PKIB: variants seen among roughly 807,000 people sequenced by gnomAD.
PKIB encodes PKI-beta.
In PKIB, 2 loss-of-function variants were observed where a neutral mutation model predicts 4.5. The observed-to-expected ratio is 0.44, with a 90% CI of 0.18 to 1.39. PKIB has a LOEUF of 1.39. Ranked by LOEUF, PKIB falls within the 40% of genes most tolerant of loss-of-function variation. The pLI is 0.27. For missense variants in PKIB, 94 were observed against 92.6 expected, an observed-to-expected ratio of 1.02 and a Z score of -0.06; for synonymous variants, 38 against 36.0, an observed-to-expected ratio of 1.06 and a Z score of -0.20.
chr6:122,675,003 C>G (rs1777615371), intron 2 of PKIB, 75 bp from the exon 3 acceptor site: 1 of 151,232 alleles, frequency 6.6e-6, no homozygotes, highest in South Asian at 2.1e-4. Flanking sequence ...TTTAAAAAGC[C>G]AAAAGTAATT....
At chr6:122,653,906 G>A (rs1354926233) in intron 2 of PKIB, among the ~76,000 whole-genome samples, 4 of 152,080 alleles carry the variant, frequency 2.6e-5, no homozygotes, top group Admixed American at 6.5e-5. Flanking sequence ...TGCAGTTAGC[G>A]GAGATCGCGC....
At chr6:122,520,661 T>TTCCTCCCCTC (rs1562237597) in intron 2 of PKIB, among the ~76,000 whole-genome samples, 1 of 55,548 alleles carries the variant, frequency 1.8e-5, no homozygotes, top group Non-Finnish European at 3.8e-5. Flanking sequence ...AAGTTTATGT[T>TTCCTCCCCTC]CCCACCCCCC....
intron 2 of PKIB, among the ~76,000 whole-genome samples, chr6:122,668,989 A>G (rs1021507934): frequency 5.9e-5 from 9 of 152,176 alleles, no homozygotes; most frequent in Admixed American, 5.2e-4. Context: ...CTAAGGTGGG[A>G]GGATTGCTTA....
intron 2 of PKIB, among the ~76,000 whole-genome samples, chr6:122,562,007 T>G (rs989850027): frequency 6.9e-6 from 1 of 144,082 alleles, no homozygotes; most frequent in Non-Finnish European, 1.5e-5. Context: ...TTTTTTTGTT[T>G]TTTTTTTTTT....
intron 2 of PKIB, among the ~76,000 whole-genome samples, chr6:122,636,739 A>G (rs1024253576): frequency 8.5e-5 from 13 of 152,152 alleles, no homozygotes; most frequent in African/African-American, 3.1e-4. Context: ...GGAAGTATGG[A>G]CAGTCTGGAA....
chr6:122,695,741 A>G (rs1778544765), intron 3 of PKIB, among the ~76,000 whole-genome samples: 1 of 152,086 alleles, frequency 6.6e-6, no homozygotes, highest in Non-Finnish European at 1.5e-5. Flanking sequence ...TTTAAAATCC[A>G]TGTTTTGGAA....
chr6:122,684,972 A>G (rs1346626036), intron 3 of PKIB, among the ~76,000 whole-genome samples: 1 of 152,202 alleles, frequency 6.6e-6, no homozygotes, highest in African/African-American at 2.4e-5. Context: ...CTTAAAAATT[A>G]GTCTATTGAA....
chr6:122,680,126 A>G (rs1385677613), intron 3 of PKIB, among the ~76,000 whole-genome samples: 1 of 152,226 alleles, frequency 6.6e-6, no homozygotes, highest in Non-Finnish European at 1.5e-5. Context: ...CTGAAAAATC[A>G]ATTCACAAAG....
intron 2 of PKIB, among the ~76,000 whole-genome samples, chr6:122,561,988 G>GTTTGTGTTTTTT (rs1554220234): frequency 9.9e-4 from 24 of 24,258 alleles, no homozygotes; most frequent in East Asian, 1.7e-3. Context: ...TTTTTTGTTT[G>GTTTGTGTTTTTT]TTTTTGTTTT....
chr6:122,699,104 G>A (rs1778692544), intron 3 of PKIB, among the ~76,000 whole-genome samples: 1 of 152,116 alleles, frequency 6.6e-6, no homozygotes, highest in Admixed American at 6.5e-5. Flanking sequence ...TGCCTGCAAA[G>A]ACTGTGTGCA....
Position 122,718,114 on chromosome 6 carries a change from A to G in PKIB, c.169+151A>G, listed in dbSNP as rs1373702962. The stretch of plus-strand genomic sequence containing the variant: ...TCAGCTTTTGTTTAAGGCTTAGTAG[A>G]TGTTCAGCCTTTTCCAAAGTAGAAT... On this transcript the variant is annotated intron_variant, in intron 4 of 4. Coordinates refer to ENST00000368452, the MANE Select transcript of PKIB (RefSeq NM_181795.3). 8.0e-6 allele frequency: 6 copies of G among 749,644 alleles called. No individual in the cohort carries two copies. The East Asian group carries it at 1.6e-4, about 20-fold the overall frequency. 46.4% of individuals were successfully genotyped at this position (749,644 alleles called of 1,614,324 possible). A position where few individuals can be genotyped will look rare whatever the true frequency, so the allele number is the denominator to read the frequency against.
chr6:122,697,940 G>A (rs952349586), intron 3 of PKIB, among the ~76,000 whole-genome samples: 13 of 152,112 alleles, frequency 8.5e-5, no homozygotes, highest in African/African-American at 2.9e-4. Flanking sequence ...TTGGGTACCT[G>A]TGAAACAAGA....
At chr6:122,591,126 A>G (rs1774006294) in intron 3 of PKIB, among the ~76,000 whole-genome samples, 1 of 151,740 alleles carries the variant, frequency 6.6e-6, no homozygotes, top group South Asian at 2.1e-4. Flanking sequence ...GAAATTCCAC[A>G]GGCTCCAGCT....
At chr6:122,519,336 T>A (rs1390722817) in intron 2 of PKIB, among the ~76,000 whole-genome samples, 1 of 152,132 alleles carries the variant, frequency 6.6e-6, no homozygotes, top group Non-Finnish European at 1.5e-5. Context: ...CTCCCACTGA[T>A]CCTATATTAT....
intron 2 of PKIB, among the ~76,000 whole-genome samples, chr6:122,561,387 C>T (rs951127201): frequency 1.3e-5 from 2 of 151,776 alleles, no homozygotes; most frequent in Non-Finnish European, 2.9e-5. Flanking sequence ...AGTTTTATTC[C>T]ACTGTGGTCT....
intron 3 of PKIB, among the ~76,000 whole-genome samples, chr6:122,693,632 C>T (rs1778438432): frequency 6.6e-6 from 1 of 152,222 alleles, no homozygotes; most frequent in Non-Finnish European, 1.5e-5. Flanking sequence ...TACACTTTCT[C>T]TCCCCATAGA....
At chr6:122,482,544 A>ATTTTTTT (rs571676167) in intron 2 of PKIB, 17 of 103,724 alleles carry the variant, frequency 1.6e-4, no homozygotes, top group South Asian at 6.6e-4. Context: ...TTTAGGTTGG[A>ATTTTTTT]TTTTTTTTTT....
At chr6:122,627,948 C>T (rs1406818243) in intron 1 of PKIB, among the ~76,000 whole-genome samples, 2 of 151,592 alleles carry the variant, frequency 1.3e-5, no homozygotes, top group Non-Finnish European at 2.9e-5. Flanking sequence ...TATCATCTTA[C>T]AGAAAACATT....
At chr6:122,529,899 T>C (rs1264302463) in intron 2 of PKIB, among the ~76,000 whole-genome samples, 1 of 152,164 alleles carries the variant, frequency 6.6e-6, no homozygotes, top group South Asian at 2.1e-4. Flanking sequence ...GATTATAAGA[T>C]ACATCTGTGT....
Sources: gnomAD v4.1 joint callset for allele counts (sites outside exome capture counted in the v4.1 genomes callset) on GRCh38, gnomAD v4.1.1 for gene constraint, MANE v1.5 for transcripts, NCBI Gene and HGNC (gene_info 2026-07-23, HGNC 2026-07-21) for gene names.